The following NES variants were observed in gnomAD, a reference collection of about 807,000 sequenced individuals.
NES encodes nestin.
In NES, 27 loss-of-function variants were observed where a neutral mutation model predicts 35.6. The observed-to-expected ratio is 0.76, with a 90% confidence interval of 0.56 to 1.04. The LOEUF (loss-of-function observed/expected upper bound fraction) is 1.04. Among genes scored for constraint, NES ranks in the 50% least tolerant of loss-of-function variants. The pLI, the probability that NES is intolerant of heterozygous loss-of-function variation, is 0.00. For synonymous variants in NES, 822 were observed against 824.2 expected (o/e 1.00, Z 0.04); for missense variants, 1,867 against 1,983.6 (o/e 0.94, Z 1.12).
rs371188818 is a variant in NES at position 156,670,410 on chromosome 1, C to G, written c.3778G>C (p.Glu1260Gln). 2.4e-5 allele frequency: 37 copies of G among 1,574,086 alleles called. No homozygotes were observed. The highest frequency in any genetic ancestry group is 3.0e-5 in the Non-Finnish European group (35 of 1,161,394). Reference sequence around the variant, plus strand: ...GAACCCAACTCCTCCTGCTCGCTCTCTACTTTCCCCAGGGCTTCAGCCCTC... The same window carrying G: ...GAACCCAACTCCTCCTGCTCGCTCTGTACTTTCCCCAGGGCTTCAGCCCTC... ...QGRAEALGKV[E>Q]SEQEELGSGE... Residue 1260 changes from glutamate (E) to glutamine (Q), a missense_variant, in exon 4 of 4, where the codon GAG (glutamate) becomes CAG (glutamine). Transcript: ENST00000368223.
In NES at chr1:156,677,271, C is replaced by G; in HGVS notation, c.-7G>C. ...CCCCCATGCAGCCCTCCATCCTGCT[C>G]GTCTGACCCACTGAGGATGGACAGA... On this transcript the variant is annotated 5_prime_UTR_variant, in exon 1 of 4. Coordinates refer to ENST00000368223, the MANE Select transcript of NES (RefSeq NM_006617.2). The surrounding 1 kb of genome is among the most constrained non-coding windows in gnomAD (Gnocchi z 4.5). 6.2e-7 allele frequency: 1 copy of G among 1,607,814 alleles called. No homozygotes were observed. The highest frequency in any genetic ancestry group is 8.5e-7 in the Non-Finnish European group (1 of 1,178,326).
At position 156,670,504 on chromosome 1, in the gene NES, G is replaced by A. The variant is rs556279599; in HGVS notation, c.3684C>T (p.Ile1228=). 1.3e-6 allele frequency: 2 copies of A among 1,594,264 alleles called. No individual in the cohort carries two copies. The highest frequency in any genetic ancestry group is 2.2e-5 in the East Asian group (1 of 44,548). Residue 1228 remains isoleucine, a synonymous_variant, in exon 4 of 4, where the codon ATC becomes ATT. Transcript: ENST00000368223. ...GCTGAGGCCCAGGGGCATCTTCCAG[G>A]ATCGGGGTGTACGTTGGGCTGGGGG... ...LVSPSPTYTP[I]LEDAPGPQPQ...
At position 156,671,855 on chromosome 1, in the gene NES, C is replaced by T. The variant is rs770232386; in HGVS notation, c.2333G>A (p.Arg778Lys). The T allele has an allele frequency of 6.2e-7, 1 of 1,613,862 alleles. No individual in the cohort carries two copies. The highest frequency in any genetic ancestry group is 1.1e-5 in the South Asian group (1 of 91,058). ...SLGEQDQMTLRPPEKVDLEPL... is the reference protein window; with the variant it reads ...SLGEQDQMTLKPPEKVDLEPL... ...TTCTAGATCCACTTTTTCTGGGGGT[C>T]TTAATGTCATCTGATCCTGTTCCCC... The change falls in exon 4 of 4, where the codon AGA (arginine) becomes AAA (lysine). Residue 778 changes from arginine (R) to lysine (K), a missense_variant. Arg to Lys is a conservative substitution (Grantham distance 26, BLOSUM62 2). Coordinates refer to ENST00000368223, the MANE Select transcript of NES (RefSeq NM_006617.2).
rs755118398 is a variant in NES at position 156,673,447 on chromosome 1, C to G, written c.982+7G>C. The G allele has an allele frequency of 1.6e-5, 25 of 1,611,740 alleles. No homozygotes were observed. The highest frequency in any genetic ancestry group is 1.5e-4 in the Admixed American group (9 of 59,854). On this transcript the variant is annotated splice_region_variant and intron_variant, in intron 3 of 3. Coordinates refer to ENST00000368223, the MANE Select transcript of NES (RefSeq NM_006617.2). ...AGTTTCTGGGGGAACTTGGCCCCTC[C>G]TCTTACCCTGAAAGCTGAGGGAAGT...
Position 156,676,862 on chromosome 1 carries a change from G to A in NES, c.403C>T (p.Arg135Cys). 1 of 1,516,406 alleles carries A rather than the reference G, an allele frequency of 6.6e-7. No individual in the cohort carries two copies. Among genetic ancestry groups the A allele is most frequent in the Non-Finnish European group, 8.7e-7 (1 of 1,145,898 alleles). 93.9% of individuals were successfully genotyped at this position (1,516,406 alleles called of 1,614,324 possible). A position where few individuals can be genotyped will look rare whatever the true frequency, so the allele number is the denominator to read the frequency against. ...GCCACGCGTAGAGCCTCTAGCTCGC[G>A]CTCCAGCTCTGCCACCTGGCTACTC... Reference protein sequence around the residue: ...WLSSQVAELERELEALRVAHE... With the variant: ...WLSSQVAELECELEALRVAHE... Residue 135 changes from arginine to cysteine, a missense_variant, in exon 1 of 4, where the codon CGC (arginine) becomes TGC (cysteine). Arg to Cys is a radical substitution (Grantham distance 180). Transcript: ENST00000368223. The surrounding 1 kb of genome is among the most constrained non-coding windows in gnomAD (Gnocchi z 5.3).
chr1:156,673,372 T>C, intron 3 of NES, 82 bp downstream of exon 3: 3 of 1,418,846 alleles, frequency 2.1e-6, no homozygotes, highest in Non-Finnish European at 2.9e-6. Flanking sequence ...GAAATTTAGA[T>C]TGGTGCCTCT....
Position 156,670,493 on chromosome 1 carries a change from G to T in NES, c.3695C>A (p.Ala1232Asp). ...TTCAGCCTGAGGCTGAGGCCCAGGG[G>T]CATCTTCCAGGATCGGGGTGTACGT... is the stretch of plus-strand genomic sequence containing the variant. ...SPTYTPILEDAPGPQPQAEGS... is the reference protein window; with the variant it reads ...SPTYTPILEDDPGPQPQAEGS... Residue 1232 changes from alanine to aspartate, a missense_variant, in exon 4 of 4, where the codon GCC becomes GAC. Coordinates refer to ENST00000368223, the MANE Select transcript of NES (RefSeq NM_006617.2). 6.3e-7 allele frequency: 1 copy of T among 1,586,528 alleles called. No homozygotes were observed. The highest frequency in any genetic ancestry group is 8.6e-7 in the Non-Finnish European group (1 of 1,164,092).
rs1679683834 is a variant in NES, at chr1:156,670,201, C to G, written c.3987G>C (p.Lys1329Asn). The change falls in exon 4 of 4, where the codon AAG becomes AAC. Residue 1329 changes from lysine (K) to asparagine (N), a missense_variant. Coordinates refer to ENST00000368223, the MANE Select transcript of NES (RefSeq NM_006617.2). ...CCAGGACAGCAGGATCCCAGCCCTC[C>G]TTTCCAGTCTCCCCTTGAGGGGGTG... ...QRPPPQGETG[K>N]EGWDPAVLAS... 6.2e-7 allele frequency: 1 copy of G among 1,613,990 alleles called. No homozygotes were observed. Among genetic ancestry groups the G allele is most frequent in the East Asian group, 2.2e-5 (1 of 44,892 alleles).
rs377314316 is a variant in NES, at chr1:156,671,398, C to G, written c.2790G>C (p.Glu930Asp). The G allele has an allele frequency of 1.4e-5, 23 of 1,613,938 alleles. No individual in the cohort carries two copies. Among genetic ancestry groups the G allele is most frequent in the Non-Finnish European group, 1.7e-5 (20 of 1,180,050 alleles). ...CCTCCTCCTCCAGAGACCTCAGTGACTCTTGGTACTCTCCCTTTCCCAGGT... is the reference window on the plus strand; with the variant it reads ...CCTCCTCCTCCAGAGACCTCAGTGAGTCTTGGTACTCTCCCTTTCCCAGGT... ...EENLGKGEYQESLRSLEEEGQ... is the reference protein window; with the variant it reads ...EENLGKGEYQDSLRSLEEEGQ... Residue 930 changes from glutamate (E) to aspartate (D), a missense_variant, in exon 4 of 4, where the codon GAG (glutamate) becomes GAC (aspartate). By Grantham distance (45) the Glu-to-Asp change is conservative. Transcript: ENST00000368223.
rs1455318985 is a variant in NES, at chr1:156,676,543, G to T, written c.722C>A (p.Ala241Glu). 6.3e-7 allele frequency: 1 copy of T among 1,595,216 alleles called. No individual in the cohort carries two copies. Among genetic ancestry groups the T allele is most frequent in the Admixed American group, 1.7e-5 (1 of 59,748 alleles). ...GCGGCCCTCCAACCTCTGTTCCAAC[G>T]CTGCCCTGCGCTCCAGGAGGCCTCC... ...ERGGLLERRA[A>E]LEQRLEGRWQ... Residue 241 changes from alanine to glutamate, a missense_variant, in exon 1 of 4, where the codon GCG (alanine) becomes GAG (glutamate). By Grantham distance (107) the Ala-to-Glu change is moderately radical. Coordinates refer to ENST00000368223, the MANE Select transcript of NES (RefSeq NM_006617.2). This position sits in a 1 kb window ranked among gnomAD's most constrained non-coding sequence, Gnocchi z 5.3.
In NES at chr1:156,670,672, C is replaced by T. The variant is rs140202258; in HGVS notation, c.3516G>A (p.Arg1172=). The change falls in exon 4 of 4, where the codon AGG becomes AGA. Residue 1172 remains arginine (R), a synonymous_variant. Transcript: ENST00000368223. ...TGGGGGCCTCAGCCTCTGACTCCTC[C>T]CTACCCTCCCTGGGAGGCTCCCAAG... ...RDPWEPPREG[R]EESEAEAPRG... 218 of 1,613,858 alleles carry T rather than the reference C, an allele frequency of 1.4e-4. No homozygotes were observed. The highest frequency in any genetic ancestry group is 1.8e-4 in the Non-Finnish European group (210 of 1,179,968).
chr1:156,677,108 G>T lies in NES; in HGVS notation c.157C>A (p.Arg53=), dbSNP rs1168295780. Residue 53 remains arginine (R), a synonymous_variant, in exon 1 of 4, where the codon CGG becomes AGG. Transcript: ENST00000368223. This position sits in a 1 kb window ranked among gnomAD's most constrained non-coding sequence, Gnocchi z 4.5. The part of the protein sequence containing the change: ...LRAQSADTSW[R]AHADDELAAL... Reference sequence around the variant, plus strand: ...GCCAGCTCGTCGTCGGCATGCGCCCGCCAGGAGGTGTCCGCGGATTGTGCC... The same window carrying T: ...GCCAGCTCGTCGTCGGCATGCGCCCTCCAGGAGGTGTCCGCGGATTGTGCC... 3 of 1,605,122 alleles carry T rather than the reference G, an allele frequency of 1.9e-6. No homozygotes were observed. Among genetic ancestry groups the T allele is most frequent in the African/African-American group, 1.3e-5 (1 of 74,698 alleles).
rs947364455 is a variant in NES at position 156,671,068 on chromosome 1, G to T, written c.3120C>A (p.Asp1040Glu). 1.9e-6 allele frequency: 3 copies of T among 1,613,558 alleles called. No individual in the cohort carries two copies. Among genetic ancestry groups the T allele is most frequent in the African/African-American group, 2.7e-5 (2 of 74,840 alleles). ...CCACCTGTTGTGATTGCCCTTCAGG[G>T]TCCTGGAGGCCCTCAGCCCCTCCCT... is the stretch of plus-strand genomic sequence containing the variant. ...SVKGGAEGLQDPEGQSQQVGA... is the reference protein window; with the variant it reads ...SVKGGAEGLQEPEGQSQQVGA... Residue 1040 changes from aspartate to glutamate, a missense_variant, in exon 4 of 4, where the codon GAC (aspartate) becomes GAA (glutamate). Physicochemically the swap from Asp to Glu is conservative, Grantham distance 45. Coordinates refer to ENST00000368223, the MANE Select transcript of NES (RefSeq NM_006617.2).
chr1:156,672,696 C>T lies in NES; in HGVS notation c.1492G>A (p.Glu498Lys). The change falls in exon 4 of 4, where the codon GAA (glutamate) becomes AAA (lysine). Residue 498 changes from glutamate to lysine, a missense_variant. Coordinates refer to ENST00000368223, the MANE Select transcript of NES (RefSeq NM_006617.2). ...TCTACCAACCCCCAGATTTGCCCTT[C>T]ACCTTCCCCTCGGCATATGCTGAAC... ...RVFSICRGEG[E>K]GQIWGLVEKE... The T allele has an allele frequency of 6.2e-7, 1 of 1,613,844 alleles. No homozygotes were observed. The highest frequency in any genetic ancestry group is 8.5e-7 in the Non-Finnish European group (1 of 1,180,042).
intron 2 of NES, among the ~76,000 whole-genome samples, chr1:156,674,486 T>A (rs183487486): frequency 4.1e-4 from 63 of 152,118 alleles, no homozygotes; most frequent in African/African-American, 1.4e-3. Flanking sequence ...CTTTCCTGGA[T>A]CTCATGTGGC....
chr1:156,671,346 C>T lies in NES; in HGVS notation c.2842G>A (p.Val948Met), dbSNP rs1679727272. The change falls in exon 4 of 4, where the codon GTG becomes ATG. Residue 948 changes from valine (V) to methionine (M), a missense_variant. Val to Met is a conservative substitution (Grantham distance 21). Transcript: ENST00000368223. Reference sequence around the variant, plus strand: ...TCCACCGTATCTTCCCACCTCTGCACATCTGCAGACTGCGGCAGCTCCTGT... The same window carrying T: ...TCCACCGTATCTTCCCACCTCTGCATATCTGCAGACTGCGGCAGCTCCTGT... ...EGQELPQSAD[V>M]QRWEDTVEKD... is the part of the protein sequence containing the mutation. The T allele has an allele frequency of 6.2e-7, 1 of 1,614,108 alleles. No homozygotes were observed. Among genetic ancestry groups the T allele is most frequent in the African/African-American group, 1.3e-5 (1 of 75,054 alleles).
rs1485634386 is a variant in NES, at chr1:156,672,206, T to C, written c.1982A>G (p.Gln661Arg). 1 of 1,605,516 alleles carries C rather than the reference T, an allele frequency of 6.2e-7. No individual in the cohort carries two copies. The highest frequency in any genetic ancestry group is 1.3e-5 in the African/African-American group (1 of 74,186). ...AGCTGTCAATGACTCTAAGTTCTCTTGCAGAGAACTTACTAATTCTTGATT... is the reference window on the plus strand; with the variant it reads ...AGCTGTCAATGACTCTAAGTTCTCTCGCAGAGAACTTACTAATTCTTGATT... ...TENQELVSSL[Q>R]ENLESLTALE... Residue 661 changes from glutamine to arginine, a missense_variant, in exon 4 of 4, where the codon CAA becomes CGA. Gln to Arg is a conservative substitution (Grantham distance 43). Transcript: ENST00000368223.
chr1:156,675,124 C>T, intron 2 of NES, 92 bp downstream of exon 2: 1 of 1,475,502 alleles, frequency 6.8e-7, no homozygotes, highest in Non-Finnish European at 9.2e-7. Context: ...GAGTTGCCAT[C>T]ACCTACACCT....
chr1:156,676,928 G>C lies in NES; in HGVS notation c.337C>G (p.Arg113Gly), dbSNP rs1342075817. ...CATTTCTCTGCCTCGACGGCGCGCCGGTTGCGGGCTACCTCCTCCGTCGTC... is the reference window on the plus strand; with the variant it reads ...CATTTCTCTGCCTCGACGGCGCGCCCGTTGCGGGCTACCTCCTCCGTCGTC... ...ERTTEEVARNRRAVEAEKCAR... is the reference protein window; with the variant it reads ...ERTTEEVARNGRAVEAEKCAR... Residue 113 changes from arginine (R) to glycine (G), a missense_variant, in exon 1 of 4, where the codon CGG (arginine) becomes GGG (glycine). Physicochemically the swap from Arg to Gly is moderately radical, Grantham distance 125. Transcript: ENST00000368223. The surrounding 1 kb of genome is among the most constrained non-coding windows in gnomAD (Gnocchi z 5.3). 1 of 1,552,082 alleles carries C rather than the reference G, an allele frequency of 6.4e-7. No individual in the cohort carries two copies. The highest frequency in any genetic ancestry group is 2.5e-5 in the East Asian group (1 of 40,792).
Sources: gnomAD v4.1 joint callset for allele counts (sites outside exome capture counted in the v4.1 genomes callset) on GRCh38, gnomAD v4.1.1 for gene constraint, Gnocchi (gnomAD v3.1) non-coding constraint, MANE v1.5 for transcripts, NCBI Gene and HGNC (gene_info 2026-07-23, HGNC 2026-07-21) for gene names.